The following ACOT7 variants were observed in gnomAD, a reference collection of about 807,000 sequenced individuals.
ACOT7 encodes acyl-CoA thioesterase 7.
ACOT7 carries 12 observed loss-of-function variants against 40.2 expected under a neutral mutation model. The observed-to-expected ratio is 0.30, with a 90% CI of 0.19 to 0.48. ACOT7 has a LOEUF of 0.48. Among genes scored for constraint, ACOT7 ranks in the 20% least tolerant of loss-of-function variants. The pLI is 0.99. For synonymous variants in ACOT7, 228 were observed against 219.5 expected, an observed-to-expected ratio of 1.04 and a Z score of -0.34; for missense variants, 395 against 530.8, an observed-to-expected ratio of 0.74 and a Z score of 2.51.
At chr1:6,344,762 T>TA in intron 2 of ACOT7, among the ~76,000 whole-genome samples, 1 of 41,724 alleles carries the variant, frequency 2.4e-5, no homozygotes, top group Non-Finnish European at 3.8e-5. Context: ...AGACTCTGTC[T>TA]CAAAAAAAAA....
rs549039124 is a variant in ACOT7 at position 6,333,381 on chromosome 1, C to T, written c.510+96G>A. On this transcript the variant is annotated intron_variant, in intron 4 of 8. Transcript: ENST00000361521. ...TGCCCTAGCTCTGGCCTGTTGCTCC[C>T]TTGAGACCCTTAGCTGAACGAGCCT... 6.6e-5 allele frequency: 94 copies of T among 1,417,890 alleles called. No homozygotes were observed. In the East Asian group the frequency reaches 2.0e-3, roughly 30 times the overall value. 87.8% of individuals were successfully genotyped at this position (1,417,890 alleles called of 1,614,324 possible). A position where few individuals can be genotyped will look rare whatever the true frequency, so the allele number is the denominator to read the frequency against.
chr1:6,368,655 C>T (rs537142327), intron 1 of ACOT7, among the ~76,000 whole-genome samples: 1 of 152,362 alleles, frequency 6.6e-6, no homozygotes, highest in South Asian at 2.1e-4. Context: ...CTGCACACCC[C>T]TCCCCACAGT....
chr1:6,304,753 T>C (rs1640077357), intron 6 of ACOT7, among the ~76,000 whole-genome samples: 1 of 134,720 alleles, frequency 7.4e-6, no homozygotes, highest in Admixed American at 7.2e-5. Context: ...GAAGAATTTT[T>C]CTTAGTACAG....
At position 6,359,903 on chromosome 1, in the gene ACOT7, G is replaced by A. The variant is rs1641850220; in HGVS notation, c.144-10037C>T. On this transcript the variant is annotated intron_variant, in intron 1 of 8. Transcript: ENST00000361521. The surrounding 1 kb of genome is among the most constrained non-coding windows in gnomAD (Gnocchi z 4.1). ...TGAAAGAGAAAGTTAGGGCAGAGAG[G>A]GCTGATTAGGCCACTCCCACTGGAA... is the stretch of plus-strand genomic sequence containing the variant. Among the ~76,000 whole-genome samples the A allele has an allele frequency of 1.3e-5, 2 of 152,176 alleles. No homozygotes were observed. The highest frequency in any genetic ancestry group is 2.1e-4 in the South Asian group (1 of 4,830).
chr1:6,317,391 C>G (rs1640523509), intron 6 of ACOT7, among the ~76,000 whole-genome samples: 1 of 152,200 alleles, frequency 6.6e-6, no homozygotes, highest in Non-Finnish European at 1.5e-5. Flanking sequence ...CATCTGTGAA[C>G]CTAGAGCTAA....
intron 1 of ACOT7, among the ~76,000 whole-genome samples, chr1:6,363,815 G>T (rs912655452): frequency 1.3e-5 from 2 of 152,060 alleles, no homozygotes; most frequent in Non-Finnish European, 2.9e-5. Context: ...GTTGTCCCCC[G>T]GGCCCAGCTG....
rs756544004 is a variant in ACOT7 at position 6,358,825 on chromosome 1, C to T, written c.144-8959G>A. 3.7e-6 allele frequency: 6 copies of T among 1,614,006 alleles called. No individual in the cohort carries two copies. The highest frequency in any genetic ancestry group is 2.7e-5 in the African/African-American group (2 of 75,058). On this transcript the variant is annotated intron_variant, in intron 1 of 8. Coordinates refer to ENST00000361521, the MANE Select transcript of ACOT7 (RefSeq NM_007274.4). The surrounding 1 kb of genome is among the most constrained non-coding windows in gnomAD (Gnocchi z 4.1). ...CTAGACATGCCCATGACTGGCAGTA[C>T]CTGCTCAGCTGGAAAGCCATGGTGG...
In ACOT7 at chr1:6,338,268, G is replaced by C. The variant is rs537899580; in HGVS notation, c.418+1165C>G. ...CCAAGGCTCCACCCCCAGCACAGTC[G>C]GAGAAGAGCTGCGATCTCACAGGAG... On this transcript the variant is annotated intron_variant, in intron 3 of 8. Coordinates refer to ENST00000361521, the MANE Select transcript of ACOT7 (RefSeq NM_007274.4). This position sits in a 1 kb window ranked among gnomAD's most constrained non-coding sequence, Gnocchi z 4.4. Among the ~76,000 whole-genome samples the C allele has an allele frequency of 1.3e-5, 2 of 152,198 alleles. No individual in the cohort carries two copies. Among genetic ancestry groups the C allele is most frequent in the African/African-American group, 2.4e-5 (1 of 41,456 alleles).
intron 1 of ACOT7, among the ~76,000 whole-genome samples, chr1:6,363,571 G>T (rs914626397): frequency 6.6e-6 from 1 of 152,114 alleles, no homozygotes; most frequent in Non-Finnish European, 1.5e-5. Flanking sequence ...AGTACTAAAA[G>T]TCCCTGATAT....
Position 6,330,852 on chromosome 1 carries a change from C to A in ACOT7, c.510+2625G>T, listed in dbSNP as rs1640935111. 6.6e-6 allele frequency among the ~76,000 whole-genome samples: 1 copy of A among 152,214 alleles called. No individual in the cohort carries two copies. The highest frequency in any genetic ancestry group is 2.1e-4 in the South Asian group (1 of 4,824). Reference sequence around the variant, plus strand: ...CCCTCGGTATCACCCGCCTGAGATGCACCATCAGATGCTGAAGCCAGGCAT... The same window carrying A: ...CCCTCGGTATCACCCGCCTGAGATGAACCATCAGATGCTGAAGCCAGGCAT... On this transcript the variant is annotated intron_variant, in intron 4 of 8. Coordinates refer to ENST00000361521, the MANE Select transcript of ACOT7 (RefSeq NM_007274.4). This position sits in a 1 kb window ranked among gnomAD's most constrained non-coding sequence, Gnocchi z 4.6.
chr1:6,384,006 C>T (rs1642397263), intron 1 of ACOT7, among the ~76,000 whole-genome samples: 1 of 151,794 alleles, frequency 6.6e-6, no homozygotes. Flanking sequence ...GCCCAGCCAA[C>T]ATCTGGCTAA....
In ACOT7 at chr1:6,379,829, G is replaced by C. The variant is rs547503798; in HGVS notation, c.143+13428C>G. On this transcript the variant is annotated intron_variant, in intron 1 of 8. Transcript: ENST00000361521. ...TAATCCCAGCAATTTGAGAGACTGA[G>C]GTGGGCATATCACTTGAGGTCAGGA... is the stretch of plus-strand genomic sequence containing the variant. Among the ~76,000 whole-genome samples the C allele has an allele frequency of 1.3e-3, 196 of 151,708 alleles. 1 individual carries two copies. The highest frequency in any genetic ancestry group is 4.6e-3 in the African/African-American group (189 of 41,464).
chr1:6,335,080 C>T (rs1302309219), intron 3 of ACOT7, among the ~76,000 whole-genome samples: 1 of 152,056 alleles, frequency 6.6e-6, no homozygotes, highest in Non-Finnish European at 1.5e-5. Flanking sequence ...CCTGTAATCC[C>T]AGCACTTTGG....
intron 6 of ACOT7, among the ~76,000 whole-genome samples, chr1:6,298,175 C>T (rs757855210): frequency 5.3e-5 from 8 of 152,128 alleles, no homozygotes; most frequent in Non-Finnish European, 1.0e-4. Flanking sequence ...CTCTCTGTCA[C>T]CCAGGCTGGA....
At chr1:6,318,155 A>T (rs1054602382) in intron 6 of ACOT7, among the ~76,000 whole-genome samples, 1 of 152,188 alleles carries the variant, frequency 6.6e-6, no homozygotes, top group African/African-American at 2.4e-5. Context: ...TCCTGGGCTC[A>T]AGCGATCCTC....
rs547103450 is a variant in ACOT7, at chr1:6,288,057, T to A, written c.830-6771A>T. On this transcript the variant is annotated intron_variant, in intron 7 of 8. Coordinates refer to ENST00000361521, the MANE Select transcript of ACOT7 (RefSeq NM_007274.4). The surrounding 1 kb of genome is among the most constrained non-coding windows in gnomAD (Gnocchi z 4.3). ...TTTCACACCAGCTACCTCTGGACATTTTAATGTCTCAACTGAAAAAAAAAA... is the reference window on the plus strand; with the variant it reads ...TTTCACACCAGCTACCTCTGGACATATTAATGTCTCAACTGAAAAAAAAAA... 2.6e-5 allele frequency among the ~76,000 whole-genome samples: 4 copies of A among 152,032 alleles called. No homozygotes were observed. The highest frequency in any genetic ancestry group is 5.9e-5 in the Non-Finnish European group (4 of 67,976).
intron 4 of ACOT7, 115 bp from the exon 5 acceptor site, chr1:6,327,528 T>C: frequency 2.6e-6 from 2 of 782,514 alleles, no homozygotes; most frequent in East Asian, 2.7e-5. Context: ...TTTTTTCTTC[T>C]GTTCATGTGT....
chr1:6,332,514 G>A (rs1418425393), intron 4 of ACOT7, among the ~76,000 whole-genome samples: 2 of 152,182 alleles, frequency 1.3e-5, no homozygotes, highest in Admixed American at 6.5e-5. Flanking sequence ...ATAATGAACT[G>A]GTATTATGAA....
chr1:6,382,140 G>A (rs1397418931), intron 1 of ACOT7, among the ~76,000 whole-genome samples: 1 of 148,218 alleles, frequency 6.7e-6, no homozygotes, highest in African/African-American at 2.5e-5. Flanking sequence ...TTGGCCGGGC[G>A]CGGTGGCTCA....
Sources: gnomAD v4.1 joint callset for allele counts (sites outside exome capture counted in the v4.1 genomes callset) on GRCh38, gnomAD v4.1.1 for gene constraint, Gnocchi (gnomAD v3.1) non-coding constraint, MANE v1.5 for transcripts, NCBI Gene and HGNC (gene_info 2026-07-23, HGNC 2026-07-21) for gene names.